Variants in DSCAM observed in about 807,000 individuals in gnomAD.
DSCAM encodes DS cell adhesion molecule.
In DSCAM, 47 loss-of-function variants were observed where a neutral mutation model predicts 217.7. The observed-to-expected ratio is 0.22, with a 90% CI of 0.17 to 0.28. The LOEUF (loss-of-function observed/expected upper bound fraction) is 0.28. DSCAM is among the 10% of genes least tolerant of loss of function. The pLI is 1.00. For synonymous variants in DSCAM, 1,056 were observed against 1,015.3 expected (o/e 1.04, Z -0.76); for missense variants, 2,080 against 2,618.3 (o/e 0.79, Z 4.49).
chr21:40,687,423 C>T (rs2090491368), intron 3 of DSCAM, among the ~76,000 whole-genome samples: 2 of 152,116 alleles, frequency 1.3e-5, no homozygotes, highest in East Asian at 1.9e-4. Context: ...GGAAAATGCT[C>T]AGTGAGGAGC....
chr21:40,676,311 T>C (rs181040067), intron 3 of DSCAM, among the ~76,000 whole-genome samples: 3 of 152,298 alleles, frequency 2.0e-5, no homozygotes, highest in Non-Finnish European at 4.4e-5. Flanking sequence ...CAACTAAGCA[T>C]GTGCAGAGTC....
chr21:40,173,611 C>T (rs1368882430), intron 15 of DSCAM, among the ~76,000 whole-genome samples: 1 of 152,174 alleles, frequency 6.6e-6, no homozygotes, highest in Non-Finnish European at 1.5e-5. Flanking sequence ...ATGCCGCCCT[C>T]TGCACTAATG....
chr21:40,372,717 TC>T (rs1221603199), intron 3 of DSCAM, among the ~76,000 whole-genome samples: 3 of 152,248 alleles, frequency 2.0e-5, no homozygotes, highest in Admixed American at 1.3e-4. Context: ...GTTATCAGTA[TC>T]TTTGTCAACA....
At chr21:40,176,175 A>G (rs1197212259) in intron 15 of DSCAM, among the ~76,000 whole-genome samples, 3 of 152,126 alleles carry the variant, frequency 2.0e-5, no homozygotes, top group African/African-American at 7.2e-5. Context: ...TTTTCAAGGA[A>G]GGGCACAGAA....
intron 19 of DSCAM, among the ~76,000 whole-genome samples, chr21:40,125,777 G>C (rs1011620844): frequency 6.6e-6 from 1 of 152,226 alleles, no homozygotes; most frequent in Non-Finnish European, 1.5e-5. Context: ...TGAGGGTAAT[G>C]TCTAAGACAT....
chr21:40,448,254 G>A (rs757935956), intron 3 of DSCAM, among the ~76,000 whole-genome samples: 9 of 152,292 alleles, frequency 5.9e-5, no homozygotes, highest in Non-Finnish European at 1.0e-4. Context: ...CCTCAGCAAC[G>A]TAGGCACACA....
At chr21:40,528,316 G>A (rs2076415949) in intron 3 of DSCAM, among the ~76,000 whole-genome samples, 1 of 152,062 alleles carries the variant, frequency 6.6e-6, no homozygotes. Context: ...GGAATAAAGT[G>A]GCTTCCTCTG....
chr21:40,092,763 G>A (rs1399605369), intron 21 of DSCAM, among the ~76,000 whole-genome samples: 2 of 152,094 alleles, frequency 1.3e-5, no homozygotes, highest in African/African-American at 2.4e-5. Flanking sequence ...GGGAGTGGCT[G>A]GATATCATGA....
chr21:40,395,032 G>A (rs143823995), intron 3 of DSCAM, among the ~76,000 whole-genome samples: 7 of 152,118 alleles, frequency 4.6e-5, no homozygotes, highest in Non-Finnish European at 7.4e-5. Flanking sequence ...AAACAATGTC[G>A]TTTGATACAA....
intron 1 of DSCAM, among the ~76,000 whole-genome samples, chr21:40,716,227 C>A (rs145755047): frequency 6.6e-6 from 1 of 152,084 alleles, no homozygotes; most frequent in Non-Finnish European, 1.5e-5. Context: ...AAAAGAAAAC[C>A]CAAACTATAT....
At chr21:40,150,041 A>G (rs1354037397) in intron 16 of DSCAM, among the ~76,000 whole-genome samples, 1 of 152,238 alleles carries the variant, frequency 6.6e-6, no homozygotes, top group Non-Finnish European at 1.5e-5. Context: ...CCACTTATTG[A>G]ACACTGTTTT....
chr21:40,792,625 G>A (rs1259218114), intron 1 of DSCAM, among the ~76,000 whole-genome samples: 1 of 152,186 alleles, frequency 6.6e-6, no homozygotes, highest in Non-Finnish European at 1.5e-5. Flanking sequence ...AATGAGGAAA[G>A]ACAGAATTCT....
chr21:40,787,433 T>C (rs544862263), intron 1 of DSCAM, among the ~76,000 whole-genome samples: 3 of 152,288 alleles, frequency 2.0e-5, no homozygotes, highest in African/African-American at 7.2e-5. Flanking sequence ...TACCACTTCC[T>C]CATATCAGGC....
chr21:40,200,438 T>A (rs2091058267), intron 11 of DSCAM, among the ~76,000 whole-genome samples: 1 of 152,222 alleles, frequency 6.6e-6, no homozygotes, highest in African/African-American at 2.4e-5. Context: ...TTACTTAGCA[T>A]AATCTCCTCA....
intron 1 of DSCAM, among the ~76,000 whole-genome samples, chr21:40,718,111 T>C (rs1414550558): frequency 6.6e-6 from 1 of 152,128 alleles, no homozygotes; most frequent in Non-Finnish European, 1.5e-5. Flanking sequence ...GCAAATGTAA[T>C]TGCTTGCATA....
chr21:40,774,990 A>C (rs974546150), intron 1 of DSCAM, among the ~76,000 whole-genome samples: 1 of 108,384 alleles, frequency 9.2e-6, no homozygotes, highest in East Asian at 2.5e-4. Context: ...ATATAATTAT[A>C]ATTTTTACAA....
chr21:40,318,928 T>G (rs1049516999), intron 8 of DSCAM, among the ~76,000 whole-genome samples: 1 of 152,158 alleles, frequency 6.6e-6, no homozygotes, highest in Non-Finnish European at 1.5e-5. Context: ...TCTTTGGCCC[T>G]GCCTTCTGGG....
At chr21:40,111,394 C>G (rs1018046871) in intron 20 of DSCAM, among the ~76,000 whole-genome samples, 1 of 151,954 alleles carries the variant, frequency 6.6e-6, no homozygotes, top group South Asian at 2.1e-4. Context: ...CAGGCCGGCC[C>G]TAAAAGAGCT....
At chr21:40,110,631 A>G (rs1310705708) in intron 20 of DSCAM, among the ~76,000 whole-genome samples, 1 of 152,210 alleles carries the variant, frequency 6.6e-6, no homozygotes, top group South Asian at 2.1e-4. Flanking sequence ...CTAAAGGAGG[A>G]AGTTTGAACC....
Sources: allele counts gnomAD v4.1 joint callset (sites outside exome capture counted in the v4.1 genomes callset), GRCh38; gene constraint gnomAD v4.1.1; transcripts MANE v1.5; gene names NCBI Gene and HGNC (gene_info 2026-07-23, HGNC 2026-07-21).